ANKRD18A: variants seen among roughly 807,000 people sequenced by gnomAD.
ANKRD18A encodes ankyrin repeat domain-containing protein 18A.
ANKRD18A carries 72 observed loss-of-function variants against 110.6 expected under a neutral mutation model. The ratio of observed to expected loss-of-function variants is 0.65; its 90% CI spans 0.54 to 0.79. ANKRD18A has a LOEUF of 0.79. Ranked by LOEUF, ANKRD18A falls within the 30% of genes least tolerant of loss-of-function variation. The probability of loss-of-function intolerance (pLI) is 0.00; values close to 1 mark genes in which losing one functional copy is unlikely to be tolerated. For synonymous variants in ANKRD18A, 305 were observed against 410.3 expected (o/e 0.74, Z 3.10); for missense variants, 934 against 1,163.3 (o/e 0.80, Z 2.87).
chr9:38,597,366 A>G (rs970811741), intron 8 of ANKRD18A, among the ~76,000 whole-genome samples: 2 of 152,186 alleles, frequency 1.3e-5, no homozygotes, highest in African/African-American at 4.8e-5. Flanking sequence ...CCACAACACA[A>G]GGAGCCGAGT....
chr9:38,605,624 GT>G (rs904935875), intron 6 of ANKRD18A, among the ~76,000 whole-genome samples: 3 of 151,676 alleles, frequency 2.0e-5, no homozygotes, highest in African/African-American at 7.3e-5. Context: ...ACAGAGTATG[GT>G]TTTTTTTGAG....
chr9:38,597,904 GTC>G (rs1824956172), intron 8 of ANKRD18A, among the ~76,000 whole-genome samples: 1 of 152,146 alleles, frequency 6.6e-6, no homozygotes, highest in Admixed American at 6.6e-5. Context: ...TCATGTAAAA[GTC>G]TGATTCAACA....
intron 12 of ANKRD18A, among the ~76,000 whole-genome samples, chr9:38,580,155 T>C (rs1030934410): frequency 6.6e-6 from 1 of 152,214 alleles, no homozygotes; most frequent in African/African-American, 2.4e-5. Flanking sequence ...CGTAATTTCC[T>C]AGCACTTTGA....
chr9:38,609,747 G>A (rs1825523015), intron 5 of ANKRD18A, among the ~76,000 whole-genome samples: 1 of 152,032 alleles, frequency 6.6e-6, no homozygotes, highest in Non-Finnish European at 1.5e-5. Flanking sequence ...TTAGCTTTTT[G>A]AAAAATTCAA....
At chr9:38,615,400 T>C (rs568453607) in intron 3 of ANKRD18A, among the ~76,000 whole-genome samples, 194 bp downstream of exon 3, 3 of 152,348 alleles carry the variant, frequency 2.0e-5, no homozygotes, top group Non-Finnish European at 4.4e-5. Flanking sequence ...TCACAAATAC[T>C]TCCCATACGT....
downstream of ANKRD18A, chr9:38,568,914 C>G (rs368752649): frequency 4.1e-5 from 40 of 985,458 alleles, no homozygotes; most frequent in African/African-American, 2.8e-4. Flanking sequence ...GGTTGGATGA[C>G]AAGATGCTGC....
rs7023650 is a variant in ANKRD18A, at chr9:38,571,995, A to G, written c.*50T>C. Reference sequence around the variant, plus strand: ...ATTTTATGGTTAATCTCTTCATTAGATGTGGCTTACCAGTGGATTCTACAA... The same window carrying G: ...ATTTTATGGTTAATCTCTTCATTAGGTGTGGCTTACCAGTGGATTCTACAA... On this transcript the variant is annotated 3_prime_UTR_variant, in exon 16 of 16. Coordinates refer to ENST00000399703, the MANE Select transcript of ANKRD18A (RefSeq NM_147195.4). 3,278 of 1,562,744 alleles carry G rather than the reference A, an allele frequency of 2.1e-3. 62 individuals carry two copies. The African/African-American group carries it at 0.04, about 19-fold the overall frequency.
chr9:38,576,592 T>C (rs150478977), intron 14 of ANKRD18A, among the ~76,000 whole-genome samples: 108 of 152,232 alleles, frequency 7.1e-4, no homozygotes, highest in Middle Eastern at 3.4e-3. Flanking sequence ...ATACCAAAGA[T>C]CACAATCAAA....
chr9:38,575,589 C>T lies in ANKRD18A; in HGVS notation c.2851G>A (p.Val951Ile). The T allele has an allele frequency of 6.4e-7, 1 of 1,551,468 alleles. No individual in the cohort carries two copies. The highest frequency in any genetic ancestry group is 1.2e-5 in the South Asian group (1 of 84,048). ...AGTTCTATACTATTAAGATTTTCAA[C>T]ACAAGGTAACTCTGGTTCTGGCCTT... ...PTRPEPELPC[V>I]ENLNSIELNR... The change falls in exon 15 of 16, where the codon GTT (valine) becomes ATT (isoleucine). Residue 951 changes from valine to isoleucine, a missense_variant. Around this residue, in one of 4 missense-constraint regions of ANKRD18A, gnomAD observed 223 missense variants for 226.7 expected, o/e 0.98. Coordinates refer to ENST00000399703, the MANE Select transcript of ANKRD18A (RefSeq NM_147195.4).
intron 8 of ANKRD18A, among the ~76,000 whole-genome samples, chr9:38,600,928 G>T (rs1825094451): frequency 6.6e-6 from 1 of 152,184 alleles, no homozygotes; most frequent in South Asian, 2.1e-4. Context: ...CAAGGGTACA[G>T]ATAGCTATGA....
At chr9:38,579,976 C>T (rs986229430) in intron 12 of ANKRD18A, among the ~76,000 whole-genome samples, 3 of 152,322 alleles carry the variant, frequency 2.0e-5, no homozygotes, top group African/African-American at 7.2e-5. Context: ...TACACATAAA[C>T]AATGGAATAC....
At chr9:38,579,197 G>A (rs1473625585) in intron 12 of ANKRD18A, among the ~76,000 whole-genome samples, 5 of 152,110 alleles carry the variant, frequency 3.3e-5, no homozygotes, top group African/African-American at 4.8e-5. Flanking sequence ...ACTCAGAATC[G>A]ATTGAAGACT....
chr9:38,592,408 C>G (rs184237078), intron 10 of ANKRD18A, among the ~76,000 whole-genome samples: 1 of 152,130 alleles, frequency 6.6e-6, no homozygotes, highest in Admixed American at 6.5e-5. Flanking sequence ...GACTGGGCAA[C>G]AAGTGCTGAG....
In ANKRD18A at chr9:38,620,069, C is replaced by A. The variant is rs912155371; in HGVS notation, c.206+11G>T. The A allele has an allele frequency of 2.6e-6, 4 of 1,549,818 alleles. No homozygotes were observed. Among genetic ancestry groups the A allele is most frequent in the Non-Finnish European group, 3.5e-6 (4 of 1,146,774 alleles). ...GGCCCCCTCCCACCGCGGGCTGAGT[C>A]CCCGAGCTACCTGTCTTTTCTGTCG... On this transcript the variant is annotated intron_variant, in intron 1 of 15. Transcript: ENST00000399703.
At chr9:38,601,322 T>A in intron 7 of ANKRD18A, 118 bp from the exon 8 acceptor site, 3 of 1,017,704 alleles carry the variant, frequency 2.9e-6, no homozygotes, top group South Asian at 4.0e-5. Flanking sequence ...GCTTAATGTT[T>A]ACTGGAATAT....
chr9:38,573,279 G>A (rs1823732102), intron 15 of ANKRD18A: 1 of 401,612 alleles, frequency 2.5e-6, no homozygotes, highest in African/African-American at 2.1e-5. Flanking sequence ...ATCACATTAA[G>A]TAAAGTAAAA....
chr9:38,613,041 T>G (rs1825704613), intron 3 of ANKRD18A, among the ~76,000 whole-genome samples: 1 of 152,052 alleles, frequency 6.6e-6, no homozygotes, highest in South Asian at 2.1e-4. Flanking sequence ...GACTATATAT[T>G]ATGAACCAAT....
intron 3 of ANKRD18A, among the ~76,000 whole-genome samples, chr9:38,614,219 GTTTTTTTT>G (rs58955752): frequency 2.9e-5 from 2 of 68,804 alleles, no homozygotes; most frequent in African/African-American, 1.2e-4. Flanking sequence ...GAACACTGAG[GTTTTTTTT>G]TTTTTTTTTT....
At chr9:38,598,709 C>T (rs1824994677) in intron 8 of ANKRD18A, among the ~76,000 whole-genome samples, 1 of 152,194 alleles carries the variant, frequency 6.6e-6, no homozygotes, top group Non-Finnish European at 1.5e-5. Context: ...TAGATATTAG[C>T]AGTGGGACTG....
Sources: allele counts gnomAD v4.1 joint callset (sites outside exome capture counted in the v4.1 genomes callset), GRCh38; gene constraint gnomAD v4.1.1; regional missense constraint gnomAD v4.1.1; transcripts MANE v1.5; gene names NCBI Gene and HGNC (gene_info 2026-07-23, HGNC 2026-07-21).